Variants in LRP1B observed in about 807,000 individuals in gnomAD.
LRP1B encodes LDL receptor related protein 1B.
LRP1B carries 217 observed loss-of-function variants against 556.6 expected under a neutral mutation model. That is an observed-to-expected ratio of 0.39 (90% CI 0.35 to 0.44). LRP1B has a LOEUF of 0.44. Among genes scored for constraint, LRP1B ranks in the 20% least tolerant of loss-of-function variants. The pLI, the probability that LRP1B is intolerant of heterozygous loss-of-function variation, is 1.00. For synonymous variants in LRP1B, 2,047 were observed against 1,865.8 expected, an observed-to-expected ratio of 1.10 and a Z score of -2.50; for missense variants, 5,053 against 5,620.8, an observed-to-expected ratio of 0.90 and a Z score of 3.23.
At chr2:140,497,471 G>A (rs1183513308) in intron 55 of LRP1B, among the ~76,000 whole-genome samples, 1 of 151,592 alleles carries the variant, frequency 6.6e-6, no homozygotes, top group Non-Finnish European at 1.5e-5. Flanking sequence ...TTAAAATGAT[G>A]AATTTTATAT....
intron 32 of LRP1B, among the ~76,000 whole-genome samples, chr2:140,780,802 A>T (rs1310346560): frequency 6.6e-6 from 1 of 152,226 alleles, no homozygotes; most frequent in East Asian, 1.9e-4. Context: ...CATTATTTTT[A>T]TTGCTACAGG....
At chr2:140,321,928 AATTC>A in intron 82 of LRP1B, 31 bp downstream of exon 82, 2 of 1,583,054 alleles carry the variant, frequency 1.3e-6, no homozygotes. Context: ...GATAAGGATT[AATTC>A]ATTATTTACA....
At chr2:141,216,709 T>C (rs1334294690) in intron 6 of LRP1B, among the ~76,000 whole-genome samples, 2 of 152,144 alleles carry the variant, frequency 1.3e-5, no homozygotes, top group African/African-American at 4.8e-5. Flanking sequence ...GTATAAGACA[T>C]GGAGTCAAAA....
intron 52 of LRP1B, 136 bp downstream of exon 52, chr2:140,509,792 T>C: frequency 8.4e-7 from 1 of 1,186,518 alleles, no homozygotes; most frequent in South Asian, 1.6e-5. Context: ...TCCCACCTGA[T>C]TAAGTCCAAT....
At chr2:141,326,344 G>A (rs952446299) in intron 3 of LRP1B, among the ~76,000 whole-genome samples, 1 of 152,046 alleles carries the variant, frequency 6.6e-6, no homozygotes, top group Non-Finnish European at 1.5e-5. Context: ...GAGATTTTAA[G>A]TTAATAAGTA....
intron 3 of LRP1B, among the ~76,000 whole-genome samples, chr2:141,466,338 A>G (rs941587953): frequency 6.6e-6 from 1 of 152,220 alleles, no homozygotes; most frequent in Non-Finnish European, 1.5e-5. Flanking sequence ...TATCAAGCAT[A>G]GTAGGACTAC....
chr2:141,939,261 C>T (rs1700724689), intron 1 of LRP1B, among the ~76,000 whole-genome samples: 1 of 151,800 alleles, frequency 6.6e-6, no homozygotes, highest in South Asian at 2.1e-4. Flanking sequence ...TACACACACA[C>T]AATATTACAA....
intron 79 of LRP1B, among the ~76,000 whole-genome samples, chr2:140,333,891 A>G (rs992217287): frequency 1.3e-5 from 2 of 151,990 alleles, no homozygotes; most frequent in Non-Finnish European, 1.5e-5. Flanking sequence ...AAAGATCTGA[A>G]CTTCTGGGCA....
At chr2:140,823,039 A>G (rs1039002634) in intron 31 of LRP1B, among the ~76,000 whole-genome samples, 2 of 152,206 alleles carry the variant, frequency 1.3e-5, no homozygotes, top group Non-Finnish European at 2.9e-5. Context: ...TTGTTGCCAG[A>G]GTGATCATGG....
intron 28 of LRP1B, among the ~76,000 whole-genome samples, chr2:140,851,271 C>T (rs1453340619): frequency 6.6e-6 from 1 of 151,954 alleles, no homozygotes; most frequent in Non-Finnish European, 1.5e-5. Context: ...TTTAGAAGAG[C>T]AGATTAAAGC....
intron 2 of LRP1B, among the ~76,000 whole-genome samples, chr2:141,495,099 T>C (rs959909032): frequency 6.6e-6 from 1 of 151,902 alleles, no homozygotes; most frequent in African/African-American, 2.4e-5. Flanking sequence ...TTGTAGGCTA[T>C]AAAAAAGGTA....
chr2:141,502,991 C>T (rs1359537751), intron 2 of LRP1B, among the ~76,000 whole-genome samples: 1 of 150,598 alleles, frequency 6.6e-6, no homozygotes, highest in Non-Finnish European at 1.5e-5. Flanking sequence ...GGCTATTTTG[C>T]ACATTAAAGG....
intron 57 of LRP1B, among the ~76,000 whole-genome samples, chr2:140,490,251 G>A (rs1688644114): frequency 6.6e-6 from 1 of 152,032 alleles, no homozygotes; most frequent in African/African-American, 2.4e-5. Context: ...AAATTGAATT[G>A]GAGAACATAT....
chr2:141,147,674 T>C (rs555651985), intron 7 of LRP1B, among the ~76,000 whole-genome samples: 1 of 152,314 alleles, frequency 6.6e-6, no homozygotes, highest in South Asian at 2.1e-4. Context: ...AGATTTTGAT[T>C]TGAGGCACAT....
chr2:141,541,802 G>A (rs991717671), intron 2 of LRP1B, among the ~76,000 whole-genome samples: 2 of 151,992 alleles, frequency 1.3e-5, no homozygotes, highest in Admixed American at 1.3e-4. Flanking sequence ...TCAAATGTAA[G>A]TTCATTCTAT....
In LRP1B at chr2:140,903,181, A is replaced by G. The variant is rs1249047302; in HGVS notation, c.3521-16T>C. 2 of 1,611,244 alleles carry G rather than the reference A, an allele frequency of 1.2e-6. No homozygotes were observed. The highest frequency in any genetic ancestry group is 1.7e-6 in the Non-Finnish European group (2 of 1,179,014). ...GAACACTCATCTATAAAAAGGGGGG[A>G]ACAGATTATAGGTCTTATCAATTGC... On this transcript the variant is annotated splice_polypyrimidine_tract_variant and intron_variant, in intron 22 of 90. Transcript: ENST00000389484.
chr2:142,025,733 C>A (rs1411712815), intron 1 of LRP1B, among the ~76,000 whole-genome samples: 1 of 152,110 alleles, frequency 6.6e-6, no homozygotes, highest in African/African-American at 2.4e-5. Flanking sequence ...CCTTCTAGAG[C>A]ATAAATTTCA....
At chr2:140,269,502 A>C (rs1682362703) in intron 86 of LRP1B, 2 of 393,274 alleles carry the variant, frequency 5.1e-6, no homozygotes, top group Non-Finnish European at 1.0e-5. Flanking sequence ...AGATATGCGC[A>C]CTTCTCTCTC....
chr2:140,902,442 TATC>T (rs1454732422), intron 23 of LRP1B, among the ~76,000 whole-genome samples: 1 of 152,036 alleles, frequency 6.6e-6, no homozygotes. Flanking sequence ...AGAGTTGAAA[TATC>T]ATAATCTAAA....
Sources: allele counts gnomAD v4.1 joint callset (sites outside exome capture counted in the v4.1 genomes callset), GRCh38; gene constraint gnomAD v4.1.1; transcripts MANE v1.5; gene names NCBI Gene and HGNC (gene_info 2026-07-23, HGNC 2026-07-21).